The following CADM2 variants were observed in gnomAD, a reference collection of about 807,000 sequenced individuals.
CADM2 encodes the protein cell adhesion molecule 2, also known as immunoglobulin superfamily member 4D.
A neutral mutation model predicts 49.8 loss-of-function variants in CADM2; 12 were observed. That is an observed-to-expected ratio of 0.24 (90% confidence interval 0.15 to 0.39). The LOEUF is 0.39. Ranked by LOEUF, CADM2 falls within the 10% of genes least tolerant of loss-of-function variation. The pLI, the probability that CADM2 is intolerant of heterozygous loss-of-function variation, is 1.00. For synonymous variants in CADM2, 214 were observed against 175.4 expected, an observed-to-expected ratio of 1.22 and a Z score of -1.74; for missense variants, 378 against 492.3, an observed-to-expected ratio of 0.77 and a Z score of 2.20.
chr3:85,719,820 C>T (rs73845627), intron 1 of CADM2, among the ~76,000 whole-genome samples: 1,635 of 152,058 alleles, frequency 0.011, 35 homozygotes, highest in African/African-American at 0.037. Context: ...AACATGTTAA[C>T]AGTTTTTTAC....
At chr3:85,106,148 A>G (rs188590178) in intron 1 of CADM2, among the ~76,000 whole-genome samples, 1 of 152,268 alleles carries the variant, frequency 6.6e-6, no homozygotes, top group East Asian at 1.9e-4. Context: ...AATCCAGACA[A>G]AATACATATG....
At chr3:84,973,740 AT>A (rs2031625661) in intron 1 of CADM2, among the ~76,000 whole-genome samples, 3 of 152,102 alleles carry the variant, frequency 2.0e-5, no homozygotes, top group African/African-American at 7.2e-5. Context: ...CAGGGAAAAC[AT>A]TTTTAAAGTG....
chr3:85,926,559 A>G (rs1719902895), intron 6 of CADM2, among the ~76,000 whole-genome samples: 1 of 152,218 alleles, frequency 6.6e-6, no homozygotes, highest in South Asian at 2.1e-4. Context: ...CTCTTATGCA[A>G]TAATATTGCG....
chr3:85,541,750 A>AT lies in CADM2; in HGVS notation c.62-184771dup, dbSNP rs1559897579. On this transcript the variant is annotated intron_variant, in intron 1 of 9. Coordinates refer to ENST00000383699, the MANE Select transcript of CADM2 (RefSeq NM_001167675.2). ...TATATATTTTATATATATATTTTAT[A>AT]TATTTTATATATATATTTTATATTT... 2.4e-3 allele frequency among the ~76,000 whole-genome samples: 64 copies of AT among 26,858 alleles called. 1 individual carries two copies. The Admixed American group carries it at 0.025, about 10-fold the overall frequency. 17.6% of individuals were successfully genotyped at this position (26,858 alleles called of 152,430 possible). A position where few individuals can be genotyped will look rare whatever the true frequency, so the allele number is the denominator to read the frequency against.
chr3:85,240,315 A>G (rs1188639451), intron 1 of CADM2, among the ~76,000 whole-genome samples: 2 of 151,528 alleles, frequency 1.3e-5, no homozygotes, highest in Non-Finnish European at 3.0e-5. Context: ...TCTTGAAATC[A>G]TCTATTGGTG....
chr3:85,138,072 A>G (rs530116017), intron 1 of CADM2, among the ~76,000 whole-genome samples: 15 of 152,236 alleles, frequency 9.9e-5, no homozygotes, highest in Middle Eastern at 6.8e-3. Flanking sequence ...AATTATTTTT[A>G]TAGTTCATAG....
chr3:85,058,323 G>A lies in CADM2; in HGVS notation c.61+98655G>A, dbSNP rs183977227. Among the ~76,000 whole-genome samples, 644 of 152,260 alleles carry A rather than the reference G, an allele frequency of 4.2e-3. 1 individual carries two copies. The highest frequency in any genetic ancestry group is 7.5e-3 in the Non-Finnish European group (511 of 68,004). On this transcript the variant is annotated intron_variant, in intron 1 of 9. Transcript: ENST00000383699. Reference sequence around the variant, plus strand: ...TCTGGGAGGTTATGTATACATATATGCATATGTAGAAGTATGTGTATATAT... The same window carrying A: ...TCTGGGAGGTTATGTATACATATATACATATGTAGAAGTATGTGTATATAT...
chr3:85,489,793 G>A (rs2039590667), intron 1 of CADM2, among the ~76,000 whole-genome samples: 1 of 132,988 alleles, frequency 7.5e-6, no homozygotes, highest in African/African-American at 2.5e-5. Context: ...TTTAACGTGT[G>A]TGTGTGTGTG....
chr3:85,138,027 A>C (rs2039467743), intron 1 of CADM2, among the ~76,000 whole-genome samples: 1 of 152,078 alleles, frequency 6.6e-6, no homozygotes, highest in Non-Finnish European at 1.5e-5. Flanking sequence ...TTCTATGTTG[A>C]CCTCTTTCAA....
At chr3:85,856,875 G>C (rs114748728) in intron 3 of CADM2, among the ~76,000 whole-genome samples, 1 of 152,090 alleles carries the variant, frequency 6.6e-6, no homozygotes, top group East Asian at 1.9e-4. Context: ...ATTTTGTGTC[G>C]GGGTAGGATG....
At chr3:85,133,189 G>T (rs2107613231) in intron 1 of CADM2, among the ~76,000 whole-genome samples, 1 of 152,312 alleles carries the variant, frequency 6.6e-6, no homozygotes, top group South Asian at 2.1e-4. Context: ...GCAGCAGCAA[G>T]ATTTAGTGCA....
chr3:85,197,179 T>C (rs2041364048), intron 1 of CADM2, among the ~76,000 whole-genome samples: 1 of 151,856 alleles, frequency 6.6e-6, no homozygotes, highest in Non-Finnish European at 1.5e-5. Context: ...GATAAATTTA[T>C]TGAGTTATTG....
chr3:85,431,861 A>ATATG lies in CADM2; in HGVS notation c.62-294658_62-294657insGTAT, dbSNP rs958138958. Among the ~76,000 whole-genome samples, 9 of 66,096 alleles carry ATATG rather than the reference A, an allele frequency of 1.4e-4. 3 individuals carry two copies. In the South Asian group the frequency reaches 2.7e-3, roughly 20 times the overall value. The allele number at this position is 66,096 out of a possible 152,430, so 43.4% of individuals were successfully genotyped here. A position where few individuals can be genotyped will look rare whatever the true frequency, so the allele number is the denominator to read the frequency against. ...ACACCATGGTCTTATGCTTAATTGC[A>ATATG]TATATATATATGCCATGCTCTTTCT... On this transcript the variant is annotated intron_variant, in intron 1 of 9. Transcript: ENST00000383699.
chr3:85,101,031 G>A (rs1377273909), intron 1 of CADM2, among the ~76,000 whole-genome samples: 3 of 152,204 alleles, frequency 2.0e-5, no homozygotes, highest in East Asian at 1.9e-4. Context: ...CAAGGCAGGC[G>A]GATCACAAGG....
intron 1 of CADM2, among the ~76,000 whole-genome samples, chr3:85,672,286 G>A (rs931005626): frequency 1.7e-4 from 25 of 146,074 alleles, no homozygotes; most frequent in African/African-American, 4.5e-4. Flanking sequence ...TCCGCCTCCC[G>A]GGTTCACGCC....
At chr3:85,658,517 T>C (rs2065279228) in intron 1 of CADM2, among the ~76,000 whole-genome samples, 1 of 148,552 alleles carries the variant, frequency 6.7e-6, no homozygotes, top group Admixed American at 6.8e-5. Flanking sequence ...TGTCTATCTA[T>C]CTACCTATCT....
rs114970880 is a variant in CADM2 at position 85,281,912 on chromosome 3, T to C, written c.61+322244T>C. 2.2e-3 allele frequency among the ~76,000 whole-genome samples: 335 copies of C among 152,206 alleles called. 2 individuals carry two copies. The highest frequency in any genetic ancestry group is 7.7e-3 in the African/African-American group (318 of 41,560). On this transcript the variant is annotated intron_variant, in intron 1 of 9. Coordinates refer to ENST00000383699, the MANE Select transcript of CADM2 (RefSeq NM_001167675.2). ...ACAAGCTGTACACCTGTTTGCTCAT[T>C]TCTCACTTTAAATGGTTTGTCATTG...
Position 85,637,662 on chromosome 3 carries a change from T to C in CADM2, c.62-88860T>C, listed in dbSNP as rs1331308629. On this transcript the variant is annotated intron_variant, in intron 1 of 9. Coordinates refer to ENST00000383699, the MANE Select transcript of CADM2 (RefSeq NM_001167675.2). Reference sequence around the variant, plus strand: ...AAATAAATAAATAAATAAAAGGTATTATTTAGCTTATTATTTCTCAGAAGG... The same window carrying C: ...AAATAAATAAATAAATAAAAGGTATCATTTAGCTTATTATTTCTCAGAAGG... Among the ~76,000 whole-genome samples, 3 of 137,350 alleles carry C rather than the reference T, an allele frequency of 2.2e-5. No homozygotes were observed. The South Asian group carries it at 7.4e-4, about 34-fold the overall frequency. 90.1% of individuals were successfully genotyped at this position (137,350 alleles called of 152,430 possible).
At chr3:85,919,072 G>C (rs2060513325) in intron 6 of CADM2, among the ~76,000 whole-genome samples, 1 of 151,928 alleles carries the variant, frequency 6.6e-6, no homozygotes, top group Non-Finnish European at 1.5e-5. Flanking sequence ...AGACTATTGT[G>C]TGTTTTTCCT....
Sources: allele counts gnomAD v4.1 joint callset (sites outside exome capture counted in the v4.1 genomes callset), GRCh38; gene constraint gnomAD v4.1.1; transcripts MANE v1.5; gene names NCBI Gene and HGNC (gene_info 2026-07-23, HGNC 2026-07-21).